FRMD4A: variants seen among roughly 807,000 people sequenced by gnomAD.
The protein encoded by FRMD4A is FERM domain containing 4A.
FRMD4A carries 29 observed loss-of-function variants against 129.1 expected under a neutral mutation model. That is an observed-to-expected ratio of 0.22 (90% CI 0.17 to 0.31). The LOEUF (loss-of-function observed/expected upper bound fraction) is 0.31. Ranked by LOEUF, FRMD4A falls within the 10% of genes least tolerant of loss-of-function variation. FRMD4A has a pLI of 1.00. For synonymous variants in FRMD4A, 634 were observed against 571.6 expected (o/e 1.11, Z -1.56); for missense variants, 1,272 against 1,375.8 (o/e 0.92, Z 1.19).
intron 8 of FRMD4A, among the ~76,000 whole-genome samples, chr10:13,756,979 C>T (rs2130680252): frequency 6.6e-6 from 1 of 152,232 alleles, no homozygotes; most frequent in East Asian, 1.9e-4. Flanking sequence ...TATCATAACC[C>T]AAGAGTTTTT....
intron 2 of FRMD4A, among the ~76,000 whole-genome samples, chr10:14,016,094 G>C (rs1435006618): frequency 6.6e-6 from 1 of 152,226 alleles, no homozygotes; most frequent in Non-Finnish European, 1.5e-5. Context: ...CGTCTGTGGT[G>C]AAGTGAAAGA....
chr10:14,015,097 TCCCA>T (rs1360844018), intron 2 of FRMD4A, among the ~76,000 whole-genome samples: 3 of 64,574 alleles, frequency 4.6e-5, no homozygotes, highest in Non-Finnish European at 6.0e-5. Context: ...TTTCCCTCCC[TCCCA>T]CCCTTCCTTT....
At chr10:14,271,432 C>G (rs1564431023) in intron 2 of FRMD4A, among the ~76,000 whole-genome samples, 2 of 152,234 alleles carry the variant, frequency 1.3e-5, no homozygotes, top group African/African-American at 4.8e-5. Context: ...AACCCACATT[C>G]ACACTGGGAC....
chr10:13,703,922 T>C (rs2087127554), intron 13 of FRMD4A, among the ~76,000 whole-genome samples: 1 of 152,094 alleles, frequency 6.6e-6, no homozygotes, highest in Non-Finnish European at 1.5e-5. Context: ...GGAGAATTGC[T>C]TGAACCTGGA....
intron 3 of FRMD4A, among the ~76,000 whole-genome samples, chr10:13,827,947 A>C (rs2093729019): frequency 6.6e-6 from 1 of 152,116 alleles, no homozygotes; most frequent in Admixed American, 6.5e-5. Flanking sequence ...CCCTGTCTCT[A>C]CTGCCCAAAT....
rs897164838 is a variant in FRMD4A, at chr10:13,821,219, C to T, written c.112-10311G>A. Among the ~76,000 whole-genome samples, 4 of 152,152 alleles carry T rather than the reference C, an allele frequency of 2.6e-5. No individual in the cohort carries two copies. The highest frequency in any genetic ancestry group is 6.5e-5 in the Admixed American group (1 of 15,278). Reference sequence around the variant, plus strand: ...GGCGGCGACTCCCCTCCTTGTCGCCCTGCTGCTTAGCTGGGAAGGCTGGTT... The same window carrying T: ...GGCGGCGACTCCCCTCCTTGTCGCCTTGCTGCTTAGCTGGGAAGGCTGGTT... On this transcript the variant is annotated intron_variant, in intron 3 of 24. Coordinates refer to ENST00000357447, the MANE Select transcript of FRMD4A (RefSeq NM_018027.5). The surrounding 1 kb of genome is among the most constrained non-coding windows in gnomAD (Gnocchi z 4.3).
rs983617158 is a variant in FRMD4A, at chr10:13,837,088, C to A, written c.111+21759G>T. Among the ~76,000 whole-genome samples, 4 of 150,098 alleles carry A rather than the reference C, an allele frequency of 2.7e-5. No homozygotes were observed. In the Admixed American group the frequency reaches 2.7e-4, roughly 10 times the overall value. On this transcript the variant is annotated intron_variant, in intron 3 of 24. Coordinates refer to ENST00000357447, the MANE Select transcript of FRMD4A (RefSeq NM_018027.5). Reference sequence around the variant, plus strand: ...TCAGTGGTTCTTAAGCAAATGTGCCCACATCTCACATGGGAACACATGGTG... The same window carrying A: ...TCAGTGGTTCTTAAGCAAATGTGCCAACATCTCACATGGGAACACATGGTG...
Position 14,252,322 on chromosome 10 carries a change from A to G in FRMD4A, c.45+77736T>C, listed in dbSNP as rs371911674. The stretch of plus-strand genomic sequence containing the variant: ...TTGAAGCGATATTATCATCTAATCT[A>G]CATATCTTGAGATTTTTGCCAATTG... On this transcript the variant is annotated intron_variant, in intron 2 of 24. Coordinates refer to ENST00000357447, the MANE Select transcript of FRMD4A (RefSeq NM_018027.5). 2.6e-5 allele frequency among the ~76,000 whole-genome samples: 4 copies of G among 152,370 alleles called. No homozygotes were observed. In the South Asian group the frequency reaches 6.2e-4, roughly 24 times the overall value.
chr10:14,293,953 C>T (rs1433268889), intron 2 of FRMD4A, among the ~76,000 whole-genome samples: 1 of 152,134 alleles, frequency 6.6e-6, no homozygotes, highest in East Asian at 1.9e-4. Context: ...GAGAAGAATA[C>T]TTGCAGGATG....
intron 2 of FRMD4A, among the ~76,000 whole-genome samples, chr10:14,198,065 TG>T (rs1281544428): frequency 6.6e-6 from 1 of 152,190 alleles, no homozygotes; most frequent in African/African-American, 2.4e-5. Context: ...GTAGGAAACA[TG>T]CCTGCAGTTT....
At chr10:13,676,642 G>A (rs2084033120) in intron 15 of FRMD4A, among the ~76,000 whole-genome samples, 1 of 152,156 alleles carries the variant, frequency 6.6e-6, no homozygotes, top group Admixed American at 6.6e-5. Context: ...GTTAGAGGCT[G>A]TGCATTCAAG....
At chr10:13,896,973 A>G (rs1371328091) in intron 2 of FRMD4A, among the ~76,000 whole-genome samples, 1 of 152,202 alleles carries the variant, frequency 6.6e-6, no homozygotes, top group Non-Finnish European at 1.5e-5. Context: ...AAATTCATAT[A>G]TATTACCTAG....
intron 2 of FRMD4A, among the ~76,000 whole-genome samples, chr10:13,984,046 A>G (rs7909279): frequency 0.27 from 41,461 of 151,478 alleles, 6,334 homozygotes; most frequent in East Asian, 0.61. Flanking sequence ...CTCAGCTGGA[A>G]CTAGGGGTCT....
intron 2 of FRMD4A, among the ~76,000 whole-genome samples, chr10:14,174,114 C>G (rs995312435): frequency 5.3e-5 from 8 of 152,114 alleles, no homozygotes; most frequent in African/African-American, 1.9e-4. Context: ...GCTTAAGCAT[C>G]CCACATGAAA....
chr10:13,935,293 C>T (rs762689945), intron 2 of FRMD4A, among the ~76,000 whole-genome samples: 39 of 151,800 alleles, frequency 2.6e-4, no homozygotes, highest in Non-Finnish European at 4.3e-4. Context: ...CAAAAACTAG[C>T]CATGTGTGGT....
At chr10:13,880,390 C>T (rs79705130) in intron 2 of FRMD4A, among the ~76,000 whole-genome samples, 2,208 of 152,328 alleles carry the variant, frequency 0.014, 32 homozygotes, top group East Asian at 0.067. Flanking sequence ...AGAACCTGAA[C>T]ACTTTTCATC....
At chr10:13,728,443 TGAAACTCACC>T (rs11277386) in intron 12 of FRMD4A, among the ~76,000 whole-genome samples, 109,903 of 151,374 alleles carry the variant, frequency 0.73, 40,638 homozygotes, top group Middle Eastern at 0.81. Flanking sequence ...CAGTTGCCAC[TGAAACTCACC>T]GAGTCTGACT....
rs544644747 is a variant in FRMD4A at position 13,670,625 on chromosome 10, A to G, written c.1252-97T>C. The G allele has an allele frequency of 1.2e-5, 14 of 1,163,070 alleles. No individual in the cohort carries two copies. In the South Asian group the frequency reaches 1.7e-4, roughly 14 times the overall value. The allele number at this position is 1,163,070 out of a possible 1,614,324, so 72.0% of individuals were successfully genotyped here. A position where few individuals can be genotyped will look rare whatever the true frequency, so the allele number is the denominator to read the frequency against. ...CACACGCACATACACGCACACAAAAATGCACGCATGCACTTCGATACAGGT... is the reference window on the plus strand; with the variant it reads ...CACACGCACATACACGCACACAAAAGTGCACGCATGCACTTCGATACAGGT... On this transcript the variant is annotated intron_variant, in intron 16 of 24. Coordinates refer to ENST00000357447, the MANE Select transcript of FRMD4A (RefSeq NM_018027.5).
At chr10:14,053,417 T>C (rs929834601) in intron 2 of FRMD4A, among the ~76,000 whole-genome samples, 1 of 152,166 alleles carries the variant, frequency 6.6e-6, no homozygotes, top group African/African-American at 2.4e-5. Flanking sequence ...CTGAAAACCA[T>C]GTTAATCTTA....
Sources: gnomAD v4.1 joint callset for allele counts (sites outside exome capture counted in the v4.1 genomes callset) on GRCh38, gnomAD v4.1.1 for gene constraint, Gnocchi (gnomAD v3.1) non-coding constraint, MANE v1.5 for transcripts, NCBI Gene and HGNC (gene_info 2026-07-23, HGNC 2026-07-21) for gene names.